The following MAPK4 variants were observed in gnomAD, a reference collection of about 807,000 sequenced individuals.
MAPK4 encodes mitogen-activated protein kinase 4, also known as Erk3-related.
MAPK4 carries 22 observed loss-of-function variants against 47.7 expected under a neutral mutation model. That is an observed-to-expected ratio of 0.46 (90% CI 0.33 to 0.66). The LOEUF is 0.66. MAPK4 is among the 30% of genes least tolerant of loss of function. The pLI is 0.02. For synonymous variants in MAPK4, 390 were observed against 365.7 expected, an observed-to-expected ratio of 1.07 and a Z score of -0.76; for missense variants, 736 against 831.7, an observed-to-expected ratio of 0.88 and a Z score of 1.42.
intron 2 of MAPK4, among the ~76,000 whole-genome samples, chr18:50,700,638 T>G (rs924348595): frequency 6.6e-6 from 1 of 152,160 alleles, no homozygotes; most frequent in Non-Finnish European, 1.5e-5. Flanking sequence ...CATACCCACC[T>G]CCTGTGCCTC....
chr18:50,702,654 A>G (rs1031451399), intron 2 of MAPK4, among the ~76,000 whole-genome samples: 5 of 152,118 alleles, frequency 3.3e-5, no homozygotes, highest in Admixed American at 3.3e-4. Context: ...TCCCCAAACC[A>G]AGATCCACCC....
At chr18:50,667,047 C>G (rs1469950516) in intron 2 of MAPK4, among the ~76,000 whole-genome samples, 1 of 152,206 alleles carries the variant, frequency 6.6e-6, no homozygotes, top group Non-Finnish European at 1.5e-5. Context: ...TGGAGGGTCT[C>G]TCTGAGCGCT....
At chr18:50,651,390 C>T (rs1159882339) in intron 1 of MAPK4, among the ~76,000 whole-genome samples, 1 of 152,200 alleles carries the variant, frequency 6.6e-6, no homozygotes, top group Non-Finnish European at 1.5e-5. Context: ...GGGCCCTGAC[C>T]ATCAAGACTA....
intron 1 of MAPK4, among the ~76,000 whole-genome samples, chr18:50,600,694 G>A (rs6508010): frequency 1 from 151,724 of 152,294 alleles, 75,581 homozygotes; most frequent in East Asian, 1. Flanking sequence ...TCAGTTTCCT[G>A]TTACTTGCAG....
Position 50,724,456 on chromosome 18 carries a change from G to A in MAPK4, c.854-1506G>A, listed in dbSNP as rs141771665. 7.7e-4 allele frequency among the ~76,000 whole-genome samples: 118 copies of A among 152,334 alleles called. 1 individual carries two copies. The East Asian group carries it at 9.8e-3, about 13-fold the overall frequency. On this transcript the variant is annotated intron_variant, in intron 4 of 5. Coordinates refer to ENST00000400384, the MANE Select transcript of MAPK4 (RefSeq NM_002747.4). ...AGTCATGGCTGGGGCCAAAAAAGGGGCCAGAGGCCCAAAGAGAGAAAAACC... is the reference window on the plus strand; with the variant it reads ...AGTCATGGCTGGGGCCAAAAAAGGGACCAGAGGCCCAAAGAGAGAAAAACC...
chr18:50,710,510 G>C (rs903201244), intron 2 of MAPK4, among the ~76,000 whole-genome samples: 1 of 151,678 alleles, frequency 6.6e-6, no homozygotes, highest in African/African-American at 2.4e-5. Context: ...AGGCGCGGAG[G>C]CTCACGCCTG....
chr18:50,601,049 G>C (rs1231854868), intron 1 of MAPK4, among the ~76,000 whole-genome samples: 1 of 149,110 alleles, frequency 6.7e-6, no homozygotes, highest in Non-Finnish European at 1.5e-5. Context: ...CTTGAGCCCA[G>C]GGATTTGCAA....
chr18:50,580,469 C>T (rs2042333725), intron 1 of MAPK4, among the ~76,000 whole-genome samples: 1 of 152,208 alleles, frequency 6.6e-6, no homozygotes, highest in Non-Finnish European at 1.5e-5. Flanking sequence ...TCCCCAAAGG[C>T]TGCCCCACAC....
At chr18:50,622,171 A>G (rs1007884800) in intron 1 of MAPK4, among the ~76,000 whole-genome samples, 2 of 152,164 alleles carry the variant, frequency 1.3e-5, no homozygotes, top group African/African-American at 2.4e-5. Context: ...GTTTTCAACC[A>G]TGTATTTTTT....
intron 1 of MAPK4, among the ~76,000 whole-genome samples, chr18:50,611,341 G>A (rs770754599): frequency 6.6e-6 from 1 of 152,140 alleles, no homozygotes. Context: ...GCCTTCCTTG[G>A]CATCTTCTTC....
chr18:50,638,876 G>C (rs533850291), intron 1 of MAPK4, among the ~76,000 whole-genome samples: 3 of 152,266 alleles, frequency 2.0e-5, no homozygotes, highest in African/African-American at 7.2e-5. Context: ...TGATTATCCT[G>C]TTCTTCAGAC....
At chr18:50,693,950 G>T (rs754262598) in intron 2 of MAPK4, among the ~76,000 whole-genome samples, 12 of 152,198 alleles carry the variant, frequency 7.9e-5, no homozygotes, top group Non-Finnish European at 1.3e-4. Context: ...CTGCCCCAGG[G>T]CCACAGGAGG....
intron 1 of MAPK4, among the ~76,000 whole-genome samples, chr18:50,597,020 G>A (rs534614582): frequency 7.2e-5 from 11 of 152,104 alleles, no homozygotes; most frequent in African/African-American, 9.7e-5. Flanking sequence ...TTTTGGCATC[G>A]GATCTTAAGT....
intron 1 of MAPK4, among the ~76,000 whole-genome samples, chr18:50,616,414 A>G (rs745823): frequency 0.26 from 40,003 of 152,118 alleles, 5,422 homozygotes; most frequent in East Asian, 0.47. Context: ...GATTGTCCTG[A>G]GGCTTAAATG....
At chr18:50,669,365 G>A (rs1568072613) in intron 2 of MAPK4, 1 of 152,188 alleles carries the variant, frequency 6.6e-6, no homozygotes, top group Non-Finnish European at 1.5e-5. Context: ...GAAAGGTCAG[G>A]AACCACCTCA....
intron 1 of MAPK4, among the ~76,000 whole-genome samples, chr18:50,624,164 C>T (rs555193205): frequency 2.6e-5 from 4 of 152,296 alleles, no homozygotes; most frequent in African/African-American, 7.2e-5. Context: ...AGAGCAAGGA[C>T]CTGTTTACTA....
At chr18:50,686,639 G>A (rs887690342) in intron 2 of MAPK4, among the ~76,000 whole-genome samples, 3 of 152,164 alleles carry the variant, frequency 2.0e-5, no homozygotes, top group Non-Finnish European at 2.9e-5. Flanking sequence ...TAAACAGATC[G>A]AGATTTTTCT....
intron 2 of MAPK4, among the ~76,000 whole-genome samples, chr18:50,692,429 G>A (rs1212530295): frequency 1.6e-4 from 24 of 152,296 alleles, no homozygotes; most frequent in Admixed American, 1.5e-3. Flanking sequence ...GAGCCCAGGG[G>A]AAATAATGCT....
intron 1 of MAPK4, among the ~76,000 whole-genome samples, chr18:50,617,521 T>A (rs1598831040): frequency 6.6e-6 from 1 of 152,178 alleles, no homozygotes; most frequent in Non-Finnish European, 1.5e-5. Flanking sequence ...TGGTAAACCC[T>A]TGACAAATTC....
Sources: allele counts gnomAD v4.1 joint callset (sites outside exome capture counted in the v4.1 genomes callset), GRCh38; gene constraint gnomAD v4.1.1; transcripts MANE v1.5; gene names NCBI Gene and HGNC (gene_info 2026-07-23, HGNC 2026-07-21).